The following CAPS2 variants were observed in gnomAD, a reference collection of about 807,000 sequenced individuals.
The protein encoded by CAPS2 is calcyphosin-2.
CAPS2 carries 98 observed loss-of-function variants against 86.5 expected under a neutral mutation model. That is an observed-to-expected ratio of 1.13 (90% CI 0.96 to 1.34). The LOEUF (loss-of-function observed/expected upper bound fraction) is 1.34, where lower values mean the gene tolerates loss of function less well. CAPS2 is among the 40% of genes most tolerant of loss of function. CAPS2 has a pLI of 0.00. For missense variants in CAPS2, 729 were observed against 686.8 expected (o/e 1.06, Z -0.69); for synonymous variants, 210 against 225.1 (o/e 0.93, Z 0.60).
chr12:75,349,417 C>T (rs2042660204), intron 1 of CAPS2, among the ~76,000 whole-genome samples: 1 of 152,098 alleles, frequency 6.6e-6, no homozygotes, highest in Non-Finnish European at 1.5e-5. Flanking sequence ...ATACACAATA[C>T]CCAGCACCTA....
intron 1 of CAPS2, among the ~76,000 whole-genome samples, chr12:75,335,518 C>T (rs75165771): frequency 0.011 from 1,632 of 152,242 alleles, 20 homozygotes; most frequent in African/African-American, 0.032. Context: ...AAATGCATCA[C>T]TATGAGCATA....
chr12:75,361,545 G>C (rs2043592478), intron 1 of CAPS2, among the ~76,000 whole-genome samples: 1 of 152,146 alleles, frequency 6.6e-6, no homozygotes, highest in Non-Finnish European at 1.5e-5. Context: ...AGCCCAAGCT[G>C]TACCTCAGCC....
intron 11 of CAPS2, 88 bp from the exon 12 acceptor site, chr12:75,293,455 A>T: frequency 8.5e-6 from 7 of 826,502 alleles, no homozygotes; most frequent in Non-Finnish European, 1.4e-5. Flanking sequence ...GATTTTGATT[A>T]ATGTGACACG....
intron 1 of CAPS2, among the ~76,000 whole-genome samples, chr12:75,359,719 T>A (rs930072516): frequency 6.6e-6 from 1 of 152,010 alleles, no homozygotes; most frequent in African/African-American, 2.4e-5. Context: ...TTTTCAGAAA[T>A]GCACAAAGGT....
rs1294397875 is a variant in CAPS2, at chr12:75,384,550, T to A, written c.-395+6288A>T. On this transcript the variant is annotated intron_variant, in intron 1 of 5. Coordinates refer to the CAPS2 transcript ENST00000551829. ...CAGAAAGCACCAGGCCCAGATAAAT[T>A]CACTGGTGAATTCTACCAAAAATTT... Among the ~76,000 whole-genome samples the A allele has an allele frequency of 2.0e-5, 3 of 152,222 alleles. No homozygotes were observed. The East Asian group carries it at 5.8e-4, about 29-fold the overall frequency.
chr12:75,377,968 T>C (rs1379874343), intron 1 of CAPS2, among the ~76,000 whole-genome samples: 2 of 152,002 alleles, frequency 1.3e-5, no homozygotes, highest in Non-Finnish European at 2.9e-5. Flanking sequence ...TTGTCAGATA[T>C]CTAGGAATTT....
At chr12:75,309,933 TC>T (rs1384287878) in intron 7 of CAPS2, among the ~76,000 whole-genome samples, 1 of 152,148 alleles carries the variant, frequency 6.6e-6, no homozygotes, top group Admixed American at 6.5e-5. Context: ...GAAGCAAAAA[TC>T]AAGACATAGA....
At chr12:75,342,347 T>C (rs74988346) in intron 1 of CAPS2, among the ~76,000 whole-genome samples, 5,763 of 152,330 alleles carry the variant, frequency 0.038, 126 homozygotes, top group East Asian at 0.052. Context: ...GATATCATAC[T>C]ATTGTTACAA....
intron 1 of CAPS2, among the ~76,000 whole-genome samples, chr12:75,347,084 A>T (rs184306415): frequency 1.4e-3 from 220 of 151,812 alleles, no homozygotes; most frequent in African/African-American, 5.0e-3. Flanking sequence ...AGATAAAAAT[A>T]AAAATTCACC....
At chr12:75,297,578 T>C (rs533951648) in intron 11 of CAPS2, among the ~76,000 whole-genome samples, 218 of 152,286 alleles carry the variant, frequency 1.4e-3, no homozygotes, top group Non-Finnish European at 2.2e-3. Context: ...ACCAGACAGA[T>C]CTTTCAAAAT....
At chr12:75,384,478 C>T (rs1276624675) in intron 1 of CAPS2, among the ~76,000 whole-genome samples, 1 of 152,130 alleles carries the variant, frequency 6.6e-6, no homozygotes, top group Non-Finnish European at 1.5e-5. Flanking sequence ...CTGAAGAGGC[C>T]TATTCCTATT....
At chr12:75,347,695 C>A in intron 1 of CAPS2, 1 of 1,603,920 alleles carries the variant, frequency 6.2e-7, no homozygotes, top group Non-Finnish European at 8.5e-7. Context: ...GCTTCAACTG[C>A]AATATTTGTA....
intron 1 of CAPS2, among the ~76,000 whole-genome samples, chr12:75,376,054 G>T (rs1487466229): frequency 1.3e-5 from 2 of 152,146 alleles, no homozygotes; most frequent in African/African-American, 4.8e-5. Context: ...CTAAAGTGAT[G>T]AATTCACTCT....
chr12:75,389,220 T>C (rs1308375824), intron 1 of CAPS2, among the ~76,000 whole-genome samples: 1 of 152,238 alleles, frequency 6.6e-6, no homozygotes, highest in Non-Finnish European at 1.5e-5. Context: ...TTCACCACTC[T>C]GTATTGTAAC....
exon 12 of CAPS2, chr12:75,293,357 A>C (rs781436412): frequency 6.2e-7 from 1 of 1,608,580 alleles, no homozygotes; most frequent in Non-Finnish European, 8.5e-7. Flanking sequence ...CAAAAATGTC[A>C]AGGTTGCACC....
chr12:75,285,114 A>T, intron 14 of CAPS2, 34 bp from the exon 15 acceptor site: 2 of 1,595,946 alleles, frequency 1.3e-6, no homozygotes, highest in South Asian at 1.1e-5. Flanking sequence ...TTGCATTTTT[A>T]AGTTACATAT....
At chr12:75,334,739 A>C (rs377073606), upstream of CAPS2, 1 of 1,613,612 alleles carries the variant, frequency 6.2e-7, no homozygotes, top group Non-Finnish European at 8.5e-7. Flanking sequence ...ATGGCTCTGA[A>C]GAATAAATTC....
chr12:75,339,970 T>C (rs1045858328), intron 1 of CAPS2, among the ~76,000 whole-genome samples: 1 of 152,118 alleles, frequency 6.6e-6, no homozygotes, highest in African/African-American at 2.4e-5. Context: ...CCTCATAGCT[T>C]AGCTCCCACT....
chr12:75,348,269 C>A lies in CAPS2; in HGVS notation c.-394-25047G>T, dbSNP rs375460929. 2.4e-4 allele frequency among the ~76,000 whole-genome samples: 36 copies of A among 152,180 alleles called. No individual in the cohort carries two copies. The East Asian group carries it at 6.2e-3, about 26-fold the overall frequency. On this transcript the variant is annotated intron_variant, in intron 1 of 5. Transcript: ENST00000551829. ...ACTATAAAAACAGTTAATAACCCAG[C>A]TCTTCAACAAACATCAATTTAAAAA...
Sources: gnomAD v4.1 joint callset for allele counts (sites outside exome capture counted in the v4.1 genomes callset) on GRCh38, gnomAD v4.1.1 for gene constraint, MANE v1.5 for transcripts, NCBI Gene and HGNC (gene_info 2026-07-23, HGNC 2026-07-21) for gene names.